CASP10: variants seen among roughly 807,000 people sequenced by gnomAD.
CASP10 encodes caspase-10.
Under a neutral mutation model 48.5 loss-of-function variants are expected in CASP10, and 41 were observed. The observed-to-expected ratio is 0.85, with a 90% CI of 0.66 to 1.10. The LOEUF (loss-of-function observed/expected upper bound fraction) is 1.10, where lower values mean the gene tolerates loss of function less well. Ranked by LOEUF, CASP10 falls within the 50% of genes least tolerant of loss-of-function variation. The pLI is 0.00. For missense variants in CASP10, 614 were observed against 614.5 expected (o/e 1.00, Z 0.01); for synonymous variants, 232 against 238.4 (o/e 0.97, Z 0.25).
chr2:201,227,050 T>G (rs1275362135), intron 9 of CASP10, among the ~76,000 whole-genome samples: 2 of 151,776 alleles, frequency 1.3e-5, no homozygotes, highest in Non-Finnish European at 2.9e-5. Flanking sequence ...AAGTTTAGAG[T>G]AGTAGTTGCC....
At chr2:201,221,838 C>T (rs138970858), downstream of CASP10, among the ~76,000 whole-genome samples, 1 of 152,262 alleles carries the variant, frequency 6.6e-6, no homozygotes, top group East Asian at 1.9e-4. Context: ...TTTTTAGGGG[C>T]CTTCAGCAAG....
rs753330049 is a variant in CASP10 at position 201,186,103 on chromosome 2, G to C, written c.326G>C (p.Arg109Pro). Residue 109 changes from arginine to proline, a missense_variant, in exon 2 of 10, where the codon CGA (arginine) becomes CCA (proline). Coordinates refer to ENST00000286186, the MANE Select transcript of CASP10 (RefSeq NM_032977.4). ...GAAGTGGAGCGACTGCTGCCCACCCGACAAAGGGTTTCTCTGTTTAGGTGA... is the reference window on the plus strand; with the variant it reads ...GAAGTGGAGCGACTGCTGCCCACCCCACAAAGGGTTTCTCTGTTTAGGTGA... ...KEEVERLLPTRQRVSLFRNLL... is the reference protein window; with the variant it reads ...KEEVERLLPTPQRVSLFRNLL... The C allele has an allele frequency of 1.9e-6, 3 of 1,611,964 alleles. No homozygotes were observed. The highest frequency in any genetic ancestry group is 1.7e-6 in the Non-Finnish European group (2 of 1,179,870).
At chr2:201,189,696 C>G (rs1203716124) in intron 3 of CASP10, among the ~76,000 whole-genome samples, 1 of 151,950 alleles carries the variant, frequency 6.6e-6, no homozygotes, top group Non-Finnish European at 1.5e-5. Flanking sequence ...AATTATTATC[C>G]TTACTGAAGT....
chr2:201,197,148 A>T lies in CASP10; in HGVS notation c.684+1200A>T, dbSNP rs930636243. ...TATAATGTATTTATTTTTATTTAAA[A>T]TTTTTTTTTATAGAGATAAGGTTTT... On this transcript the variant is annotated intron_variant, in intron 5 of 9. Coordinates refer to ENST00000286186, the MANE Select transcript of CASP10 (RefSeq NM_032977.4). 4.6e-5 allele frequency among the ~76,000 whole-genome samples: 7 copies of T among 151,740 alleles called. No homozygotes were observed. The East Asian group carries it at 5.8e-4, about 13-fold the overall frequency.
At position 201,209,324 on chromosome 2, in the gene CASP10, C is replaced by G; in HGVS notation, c.1177C>G (p.Pro393Ala). 6.2e-7 allele frequency: 1 copy of G among 1,614,134 alleles called. No homozygotes were observed. The highest frequency in any genetic ancestry group is 8.5e-7 in the Non-Finnish European group (1 of 1,180,024). ...ALQCPRLAEK[P>A]KLFFIQACQG... ...GCAGTGCCCTAGACTGGCTGAAAAA[C>G]CTAAACTCTTTTTCATCCAGGCCTG... The change falls in exon 9 of 10, where the codon CCT (proline) becomes GCT (alanine). Residue 393 changes from proline (P) to alanine (A), a missense_variant. Physicochemically the swap from Pro to Ala is conservative, Grantham distance 27 (BLOSUM62 -1). Transcript: ENST00000286186.
At chr2:201,221,995 C>T (rs768606924), downstream of CASP10, among the ~76,000 whole-genome samples, 1 of 152,112 alleles carries the variant, frequency 6.6e-6, no homozygotes, top group Non-Finnish European at 1.5e-5. Flanking sequence ...AAACATTATG[C>T]TTGTCTGTAT....
intron 5 of CASP10, among the ~76,000 whole-genome samples, chr2:201,198,830 G>A (rs967902874): frequency 1.1e-4 from 16 of 152,090 alleles, no homozygotes; most frequent in Admixed American, 3.3e-4. Context: ...GTGAGCCACC[G>A]CGCCCGGCCT....
intron 8 of CASP10, 89 bp downstream of exon 8, chr2:201,208,272 C>T (rs1945275425): frequency 1.3e-6 from 2 of 1,502,580 alleles, no homozygotes; most frequent in Non-Finnish European, 1.8e-6. Context: ...TGACTTTTAT[C>T]TTCCATATAC....
intron 5 of CASP10, among the ~76,000 whole-genome samples, chr2:201,199,937 A>G (rs1050529155): frequency 3.3e-5 from 5 of 152,126 alleles, no homozygotes; most frequent in African/African-American, 1.2e-4. Flanking sequence ...CTTTTATGCC[A>G]TTGAGACTTT....
At chr2:201,208,823 C>A (rs1164967776) in intron 8 of CASP10, among the ~76,000 whole-genome samples, 1 of 152,060 alleles carries the variant, frequency 6.6e-6, no homozygotes, top group South Asian at 2.1e-4. Flanking sequence ...GGATTACAGG[C>A]GTGAGCCACC....
chr2:201,218,596 C>T lies in CASP10; in HGVS notation c.*855C>T, dbSNP rs1429877814. The T allele has an allele frequency of 1.0e-6, 1 of 985,346 alleles. No individual in the cohort carries two copies. Among genetic ancestry groups the T allele is most frequent in the African/African-American group, 1.7e-5 (1 of 57,250 alleles). 61.0% of individuals were successfully genotyped at this position (985,346 alleles called of 1,614,324 possible). ...GGACTACAGGCATGAAATACTGTGC[C>T]TGGCCTGGGGACCAGGTGCATTTTA... On this transcript the variant is annotated 3_prime_UTR_variant, in exon 10 of 10. Coordinates refer to ENST00000286186, the MANE Select transcript of CASP10 (RefSeq NM_032977.4).
intron 6 of CASP10, among the ~76,000 whole-genome samples, chr2:201,204,695 C>G (rs1423212895): frequency 6.6e-6 from 1 of 152,232 alleles, no homozygotes; most frequent in Non-Finnish European, 1.5e-5. Context: ...AGAGCTTACT[C>G]TCCTAAGGCC....
intron 9 of CASP10, chr2:201,214,493 GA>G (rs1945506296): frequency 6.6e-6 from 1 of 152,102 alleles, no homozygotes; most frequent in South Asian, 2.1e-4. Flanking sequence ...GATCAGAGGA[GA>G]AAGTTAATGA....
intron 9 of CASP10, chr2:201,228,924 G>T: frequency 6.2e-7 from 1 of 1,613,792 alleles, no homozygotes. Context: ...TTCTCTTTGT[G>T]CTCAGTAGGA....
intron 3 of CASP10, among the ~76,000 whole-genome samples, chr2:201,189,270 ATTT>A (rs35733718): frequency 1.4e-4 from 17 of 121,620 alleles, no homozygotes; most frequent in Non-Finnish European, 1.8e-4. Context: ...TCTTTCAGTT[ATTT>A]TTTTTTTTTT....
At chr2:201,209,666 TC>T in intron 9 of CASP10, 104 bp downstream of exon 9, 1 of 1,211,060 alleles carries the variant, frequency 8.3e-7, no homozygotes, top group Non-Finnish European at 1.1e-6. Context: ...TCTACGTTGT[TC>T]TATCCATGTA....
At chr2:201,204,078 G>A (rs1322539495) in intron 6 of CASP10, among the ~76,000 whole-genome samples, 1 of 152,136 alleles carries the variant, frequency 6.6e-6, no homozygotes, top group African/African-American at 2.4e-5. Flanking sequence ...AACAGCCCCC[G>A]CAGGGCTGAA....
chr2:201,192,268 C>T (rs1340825045), intron 3 of CASP10, among the ~76,000 whole-genome samples: 11 of 152,148 alleles, frequency 7.2e-5, no homozygotes, highest in African/African-American at 2.4e-4. Context: ...GTGGCATGAG[C>T]CTGTAATCCC....
exon 10 of CASP10, chr2:201,229,136 G>C: frequency 6.2e-7 from 1 of 1,611,010 alleles, no homozygotes; most frequent in South Asian, 1.1e-5. Flanking sequence ...GCCTGAGATT[G>C]ACAACGCCCT....
Sources: allele counts gnomAD v4.1 joint callset (sites outside exome capture counted in the v4.1 genomes callset), GRCh38; gene constraint gnomAD v4.1.1; transcripts MANE v1.5; gene names NCBI Gene and HGNC (gene_info 2026-07-23, HGNC 2026-07-21).